DENND4C: variants seen among roughly 807,000 people sequenced by gnomAD.
DENND4C encodes DENN domain-containing protein 4C.
DENND4C carries 108 observed loss-of-function variants against 203.0 expected under a neutral mutation model. The observed-to-expected ratio is 0.53, with a 90% confidence interval of 0.46 to 0.62. DENND4C has a LOEUF of 0.62. DENND4C is among the 20% of genes least tolerant of loss of function. DENND4C has a pLI of 0.00. For missense variants in DENND4C, 2,481 were observed against 2,301.2 expected, an observed-to-expected ratio of 1.08 and a Z score of -1.60; for synonymous variants, 871 against 792.4, an observed-to-expected ratio of 1.10 and a Z score of -1.67.
chr9:19,300,457 T>C, intron 9 of DENND4C, 126 bp downstream of exon 9: 1 of 935,818 alleles, frequency 1.1e-6, no homozygotes. Flanking sequence ...TTTGAAAAAT[T>C]TCCAGCCCAG....
rs538188908 is a variant in DENND4C, at chr9:19,248,437, T to C, written c.-18+17604T>C. Among the ~76,000 whole-genome samples, 11 of 152,298 alleles carry C rather than the reference T, an allele frequency of 7.2e-5. No individual in the cohort carries two copies. The South Asian group carries it at 8.3e-4, about 11-fold the overall frequency. ...GGAGTCTTACTCTTGTTGCCCAGGC[T>C]GGAGTACAATGGCACGATCTTGGCT... is the stretch of plus-strand genomic sequence containing the variant. On this transcript the variant is annotated intron_variant, in intron 1 of 32. Transcript: ENST00000434457.
intron 1 of DENND4C, among the ~76,000 whole-genome samples, chr9:19,259,403 C>T (rs1457209062): frequency 2.0e-5 from 3 of 151,976 alleles, no homozygotes; most frequent in East Asian, 1.9e-4. Flanking sequence ...ATATAATGAC[C>T]TCCAGTTCTA....
chr9:19,346,025 C>T lies in DENND4C; in HGVS notation c.3256C>T (p.Gln1086Ter). 6.2e-7 allele frequency: 1 copy of T among 1,614,070 alleles called. No homozygotes were observed. The highest frequency in any genetic ancestry group is 8.5e-7 in the Non-Finnish European group (1 of 1,180,018). ...GAATGGTGATAGAGGAGAAAAAAGA[C>T]AAAAGCATTTTCCTGAGAGGAGTTG... ...KKNGDRGEKR[Q>*]KHFPERSCSF... is the part of the protein sequence containing the mutation. The change falls in exon 23 of 33, where the codon CAA becomes TAA. Residue 1086 changes from glutamine to a stop codon, truncating the protein, a stop_gained. Coordinates refer to ENST00000434457, the MANE Select transcript of DENND4C (RefSeq NM_001330640.2). LOFTEE classifies it high-confidence loss of function.
Position 19,317,039 on chromosome 9 carries a change from A to G in DENND4C, c.1807+200A>G, listed in dbSNP as rs533801242. Among the ~76,000 whole-genome samples, 4 of 152,278 alleles carry G rather than the reference A, an allele frequency of 2.6e-5. No homozygotes were observed. The South Asian group carries it at 8.3e-4, about 32-fold the overall frequency. ...GCCCATTTTTCTCCTGAGAAATCTG[A>G]AACTAGAGATATTTAATTATGAAAA... On this transcript the variant is annotated intron_variant, in intron 12 of 32. Coordinates refer to ENST00000434457, the MANE Select transcript of DENND4C (RefSeq NM_001330640.2).
intron 26 of DENND4C, among the ~76,000 whole-genome samples, 184 bp from the exon 27 acceptor site, chr9:19,356,788 T>TGTGAGAGAGAGAGC (rs1266119304): frequency 7.1e-6 from 1 of 140,382 alleles, no homozygotes; most frequent in Admixed American, 7.0e-5. Flanking sequence ...TGTGTGTGTG[T>TGTGAGAGAGAGAGC]GAGAGAGAGA....
Position 19,336,303 on chromosome 9 carries a change from C to T in DENND4C, c.2623C>T (p.Arg875Cys), listed in dbSNP as rs201829438. The change falls in exon 19 of 33, where the codon CGC (arginine) becomes TGC (cysteine). Residue 875 changes from arginine to cysteine, a missense_variant. Physicochemically the swap from Arg to Cys is radical, Grantham distance 180 (BLOSUM62 -3). Coordinates refer to ENST00000434457, the MANE Select transcript of DENND4C (RefSeq NM_001330640.2). ...GGAGAGCCCGTGGCCTAGCAGTACC[C>T]GCAGTGGTATTTTCTTATGGACGAA... ...VLESPWPSSTRSGIFLWTKVR... is the reference protein window; with the variant it reads ...VLESPWPSSTCSGIFLWTKVR... The T allele has an allele frequency of 7.4e-5, 120 of 1,613,802 alleles. No homozygotes were observed. Among genetic ancestry groups the T allele is most frequent in the Admixed American group, 5.0e-5 (3 of 59,964 alleles).
chr9:19,290,762 T>C lies in DENND4C; in HGVS notation c.687T>C (p.Asp229=). The C allele has an allele frequency of 6.2e-7, 1 of 1,601,516 alleles. No homozygotes were observed. Among genetic ancestry groups the C allele is most frequent in the East Asian group, 2.2e-5 (1 of 44,626 alleles). ...AGTCATTTCCACTCTCAGAATCAGATGTACCTCTTTTCTGCCTTCCTATGG... is the reference window on the plus strand; with the variant it reads ...AGTCATTTCCACTCTCAGAATCAGACGTACCTCTTTTCTGCCTTCCTATGG... ...DYESFPLSES[D]VPLFCLPMGA... is the part of the protein sequence containing the mutation. The change falls in exon 5 of 33, where the codon GAT becomes GAC. Residue 229 remains aspartate (D), a synonymous_variant. Transcript: ENST00000434457.
intron 22 of DENND4C, among the ~76,000 whole-genome samples, chr9:19,343,395 A>G (rs74579276): frequency 0.022 from 3,292 of 152,342 alleles, 126 homozygotes; most frequent in African/African-American, 0.073. Context: ...ATTTTAAAAG[A>G]CAATGAAATT....
chr9:19,240,673 A>C (rs201967556), intron 1 of DENND4C, among the ~76,000 whole-genome samples: 13 of 5,566 alleles, frequency 2.3e-3, no homozygotes, highest in Admixed American at 4.0e-3. Context: ...CTCAAAAAAC[A>C]AAAAAAAAAA....
At chr9:19,289,763 A>G (rs1378281575) in intron 4 of DENND4C, among the ~76,000 whole-genome samples, 1 of 145,194 alleles carries the variant, frequency 6.9e-6, no homozygotes, top group Non-Finnish European at 1.5e-5. Flanking sequence ...CAGGAGGCGG[A>G]GGTTGCAGTG....
At chr9:19,252,411 A>T (rs965993159) in intron 1 of DENND4C, among the ~76,000 whole-genome samples, 2 of 152,086 alleles carry the variant, frequency 1.3e-5, no homozygotes, top group African/African-American at 4.8e-5. Flanking sequence ...AAACCGTATC[A>T]TCTACATTAA....
intron 27 of DENND4C, 100 bp downstream of exon 27, chr9:19,357,254 C>G (rs933278634): frequency 1.7e-6 from 2 of 1,187,550 alleles, no homozygotes; most frequent in Non-Finnish European, 2.4e-6. Context: ...GGCATAAGTT[C>G]TGGCATTTAA....
Position 19,336,411 on chromosome 9 carries a change from T to C in DENND4C, c.2731T>C (p.Ser911Pro). Residue 911 changes from serine (S) to proline (P), a missense_variant, in exon 19 of 33, where the codon TCA becomes CCA. By Grantham distance (74) the Ser-to-Pro change is moderately conservative. Transcript: ENST00000434457. ...GCAAAGGTCACAGGTCTCCTCAATA[T>C]CAGGTAATACATGTGATTAGAAATA... ...TVQRSQVSSI[S>P]ALQNVTGGSD... The C allele has an allele frequency of 6.2e-7, 1 of 1,612,472 alleles. No homozygotes were observed. Among genetic ancestry groups the C allele is most frequent in the South Asian group, 1.1e-5 (1 of 90,734 alleles).
chr9:19,324,223 A>G (rs1308574703), intron 12 of DENND4C, 139 bp from the exon 13 acceptor site: 2 of 520,880 alleles, frequency 3.8e-6, no homozygotes, highest in South Asian at 1.4e-4. Flanking sequence ...TACTCAACCT[A>G]TAGAAGCTTC....
At chr9:19,338,429 T>A (rs1820947867) in intron 20 of DENND4C, among the ~76,000 whole-genome samples, 1 of 152,290 alleles carries the variant, frequency 6.6e-6, no homozygotes, top group Non-Finnish European at 1.5e-5. Flanking sequence ...GCTGGGTAAT[T>A]GGTATAAAGA....
At chr9:19,370,590 G>T (rs189680991) in intron 31 of DENND4C, among the ~76,000 whole-genome samples, 2 of 152,096 alleles carry the variant, frequency 1.3e-5, no homozygotes, top group African/African-American at 4.8e-5. Flanking sequence ...ATAAACTTAC[G>T]TACCACTTAT....
chr9:19,322,648 A>G (rs1362348248), intron 12 of DENND4C, among the ~76,000 whole-genome samples: 1 of 150,516 alleles, frequency 6.6e-6, no homozygotes, highest in Non-Finnish European at 1.5e-5. Context: ...AGGCAGGAGA[A>G]TGGCATGAAC....
chr9:19,328,877 C>A (rs1043529522), intron 16 of DENND4C, among the ~76,000 whole-genome samples: 4 of 151,828 alleles, frequency 2.6e-5, no homozygotes, highest in Non-Finnish European at 4.4e-5. Flanking sequence ...GGAGAAACCC[C>A]GTCTCTACTA....
intron 9 of DENND4C, among the ~76,000 whole-genome samples, chr9:19,303,347 G>A (rs541599887): frequency 6.6e-6 from 1 of 152,194 alleles, no homozygotes; most frequent in South Asian, 2.1e-4. Flanking sequence ...TGCAAATGGT[G>A]GCCGAATCCT....
Sources: gnomAD v4.1 joint callset for allele counts (sites outside exome capture counted in the v4.1 genomes callset) on GRCh38, gnomAD v4.1.1 for gene constraint, MANE v1.5 for transcripts, NCBI Gene and HGNC (gene_info 2026-07-23, HGNC 2026-07-21) for gene names.